The following RGS22 variants were observed in gnomAD, a reference collection of about 807,000 sequenced individuals.
RGS22 encodes the protein regulator of G-protein signaling 22.
RGS22 carries 148 observed loss-of-function variants against 172.9 expected under a neutral mutation model. That is an observed-to-expected ratio of 0.86 (90% CI 0.75 to 0.98). The LOEUF is 0.98. Among genes scored for constraint, RGS22 ranks in the 50% least tolerant of loss-of-function variants. The pLI is 0.00. For synonymous variants in RGS22, 458 were observed against 480.2 expected, an observed-to-expected ratio of 0.95 and a Z score of 0.60; for missense variants, 1,347 against 1,440.8, an observed-to-expected ratio of 0.93 and a Z score of 1.05.
chr8:100,082,694 C>A (rs1226779734), intron 3 of RGS22, among the ~76,000 whole-genome samples: 1 of 152,196 alleles, frequency 6.6e-6, no homozygotes, highest in Non-Finnish European at 1.5e-5. Flanking sequence ...AAAGACAGAA[C>A]ATTTCCTCTT....
chr8:99,974,484 A>C (rs927375842), intron 23 of RGS22, among the ~76,000 whole-genome samples: 5 of 152,190 alleles, frequency 3.3e-5, no homozygotes, highest in African/African-American at 1.2e-4. Flanking sequence ...ATGAGAAAAA[A>C]AAGATTAAAA....
At chr8:100,101,511 T>G (rs1332657969) in intron 2 of RGS22, among the ~76,000 whole-genome samples, 2 of 149,192 alleles carry the variant, frequency 1.3e-5, no homozygotes, top group Non-Finnish European at 3.0e-5. Context: ...ACCAGGATGG[T>G]CTCGATCTCC....
At chr8:100,037,379 T>C (rs765831248) in intron 14 of RGS22, among the ~76,000 whole-genome samples, 14 of 152,194 alleles carry the variant, frequency 9.2e-5, no homozygotes, top group Admixed American at 2.0e-4. Flanking sequence ...AACAAACACA[T>C]AGATCTGCTT....
chr8:100,084,627 T>C (rs192710625), intron 3 of RGS22, among the ~76,000 whole-genome samples: 3 of 152,314 alleles, frequency 2.0e-5, no homozygotes, highest in Non-Finnish European at 2.9e-5. Context: ...TGTTTTTGTA[T>C]TTGAAAAGCC....
intron 4 of RGS22, among the ~76,000 whole-genome samples, chr8:100,075,930 G>A (rs1485131945): frequency 1.3e-5 from 2 of 151,934 alleles, no homozygotes; most frequent in South Asian, 2.1e-4. Flanking sequence ...CATCGTGTTG[G>A]GTGTGAAGTA....
chr8:99,968,312 G>A (rs986206973), intron 23 of RGS22, among the ~76,000 whole-genome samples: 21 of 152,138 alleles, frequency 1.4e-4, no homozygotes, highest in Non-Finnish European at 2.5e-4. Context: ...CCAAAAACCA[G>A]AATGCCTCTT....
intron 22 of RGS22, among the ~76,000 whole-genome samples, chr8:99,980,777 C>T (rs1812471139): frequency 6.6e-6 from 1 of 152,158 alleles, no homozygotes; most frequent in African/African-American, 2.4e-5. Flanking sequence ...CAGCTCCAGA[C>T]ATTTACCGTC....
At chr8:99,963,090 A>G in intron 24 of RGS22, 112 bp from the exon 25 acceptor site, 1 of 823,504 alleles carries the variant, frequency 1.2e-6, no homozygotes. Context: ...AAAGTATAAC[A>G]CACATAAAGA....
At chr8:99,976,417 A>G (rs914770840) in intron 23 of RGS22, among the ~76,000 whole-genome samples, 2 of 152,104 alleles carry the variant, frequency 1.3e-5, no homozygotes, top group Non-Finnish European at 2.9e-5. Flanking sequence ...GCTGGAGTGC[A>G]GTGGCGCCAT....
intron 15 of RGS22, among the ~76,000 whole-genome samples, chr8:100,007,046 C>T (rs539339018): frequency 3.9e-5 from 6 of 152,040 alleles, no homozygotes; most frequent in African/African-American, 1.4e-4. Context: ...GTAATAAATG[C>T]ATTTTTATAA....
intron 10 of RGS22, among the ~76,000 whole-genome samples, chr8:100,048,869 G>C (rs538889408): frequency 7.2e-5 from 11 of 152,234 alleles, no homozygotes; most frequent in South Asian, 2.1e-4. Context: ...AATGGGCAGA[G>C]TCATATTTGC....
intron 16 of RGS22, among the ~76,000 whole-genome samples, chr8:100,005,607 T>G (rs1815607693): frequency 6.6e-6 from 1 of 152,202 alleles, no homozygotes; most frequent in South Asian, 2.1e-4. Context: ...TTCTTCATTG[T>G]TTTCCCTATC....
At chr8:99,992,589 C>T (rs1357779221) in intron 20 of RGS22, among the ~76,000 whole-genome samples, 5 of 152,040 alleles carry the variant, frequency 3.3e-5, no homozygotes, top group Admixed American at 3.3e-4. Context: ...TATATGCACC[C>T]AATACAGGAG....
intron 14 of RGS22, among the ~76,000 whole-genome samples, chr8:100,012,317 A>C (rs549714252): frequency 7.9e-5 from 12 of 152,278 alleles, no homozygotes; most frequent in Non-Finnish European, 1.5e-4. Context: ...GGAATACTAA[A>C]GTTCAGAATA....
At chr8:100,022,090 G>A (rs901076795) in intron 14 of RGS22, among the ~76,000 whole-genome samples, 9 of 152,124 alleles carry the variant, frequency 5.9e-5, no homozygotes, top group African/African-American at 1.7e-4. Flanking sequence ...TGCCGAGAGC[G>A]ACTAAATTAC....
intron 19 of RGS22, 101 bp from the exon 20 acceptor site, chr8:99,996,631 G>A: frequency 1.0e-6 from 1 of 988,464 alleles, no homozygotes; most frequent in Non-Finnish European, 1.5e-6. Flanking sequence ...GGTTAACTTG[G>A]ACAAGAGATA....
intron 14 of RGS22, among the ~76,000 whole-genome samples, chr8:100,017,124 C>T (rs1471392126): frequency 1.3e-5 from 2 of 150,940 alleles, no homozygotes; most frequent in African/African-American, 4.9e-5. Context: ...ACTTTCATCA[C>T]CATGCTCCAC....
intron 4 of RGS22, among the ~76,000 whole-genome samples, chr8:100,075,383 C>T (rs1811277846): frequency 6.6e-6 from 1 of 152,192 alleles, no homozygotes; most frequent in Non-Finnish European, 1.5e-5. Flanking sequence ...ATGTGATATT[C>T]CTGCTCCCTC....
chr8:100,075,272 C>T (rs1811269637), intron 4 of RGS22, among the ~76,000 whole-genome samples: 1 of 152,114 alleles, frequency 6.6e-6, no homozygotes, highest in East Asian at 1.9e-4. Context: ...TTGGTGTCCT[C>T]CTCATGGTAA....
Sources: gnomAD v4.1 joint callset for allele counts (sites outside exome capture counted in the v4.1 genomes callset) on GRCh38, gnomAD v4.1.1 for gene constraint, MANE v1.5 for transcripts, NCBI Gene and HGNC (gene_info 2026-07-23, HGNC 2026-07-21) for gene names.